SDK1: variants seen among roughly 807,000 people sequenced by gnomAD.
SDK1 encodes the protein sidekick cell adhesion molecule 1, also known as protein sidekick-1.
In SDK1, 157 loss-of-function variants were observed where a neutral mutation model predicts 245.5. That is an observed-to-expected ratio of 0.64 (90% CI 0.56 to 0.73). SDK1 has a LOEUF of 0.73. SDK1 is among the 30% of genes least tolerant of loss of function. SDK1 has a pLI of 0.00. For missense variants in SDK1, 3,583 were observed against 3,002.3 expected (o/e 1.19, Z -4.52); for synonymous variants, 1,647 against 1,278.5 (o/e 1.29, Z -6.15).
At chr7:4,130,272 T>G in intron 27 of SDK1, 175 bp downstream of exon 27, 1 of 670,416 alleles carries the variant, frequency 1.5e-6, no homozygotes, top group Non-Finnish European at 2.5e-6. Flanking sequence ...ATGGCCAATT[T>G]CAGCCTGGAG....
At chr7:3,983,566 G>A (rs781209186) in intron 13 of SDK1, among the ~76,000 whole-genome samples, 3 of 152,186 alleles carry the variant, frequency 2.0e-5, no homozygotes, top group Non-Finnish European at 4.4e-5. Context: ...AGTATAAACA[G>A]AACTTTTATA....
At chr7:3,989,721 A>G (rs539359507) in intron 14 of SDK1, among the ~76,000 whole-genome samples, 1 of 152,236 alleles carries the variant, frequency 6.6e-6, no homozygotes, top group African/African-American at 2.4e-5. Context: ...GGCTCTTCCC[A>G]GCTGATGTCA....
At chr7:4,091,479 A>G (rs1781798997) in intron 22 of SDK1, among the ~76,000 whole-genome samples, 1 of 151,266 alleles carries the variant, frequency 6.6e-6, no homozygotes, top group South Asian at 2.1e-4. Context: ...AGTAACTGGG[A>G]TGATAGGCAC....
chr7:4,217,058 A>C (rs1159305982), intron 38 of SDK1, among the ~76,000 whole-genome samples: 2 of 21,322 alleles, frequency 9.4e-5, no homozygotes, highest in African/African-American at 5.2e-4. Flanking sequence ...GCACCACACC[A>C]CCCGGAGCAC....
chr7:3,473,832 G>A (rs547198690), intron 1 of SDK1, among the ~76,000 whole-genome samples: 7 of 152,200 alleles, frequency 4.6e-5, no homozygotes, highest in Non-Finnish European at 8.8e-5. Context: ...CCACCGTATG[G>A]TCTGCCTATA....
chr7:3,349,103 C>T (rs1780586944), intron 1 of SDK1, among the ~76,000 whole-genome samples: 1 of 152,044 alleles, frequency 6.6e-6, no homozygotes, highest in Admixed American at 6.6e-5. Context: ...GTTCTCATTT[C>T]CCTTCTGGAT....
chr7:3,974,824 T>C, intron 13 of SDK1: 1 of 351,634 alleles, frequency 2.8e-6, no homozygotes, highest in East Asian at 5.9e-5. Context: ...GTGGACACCT[T>C]ATCCTGATAG....
At chr7:4,145,150 G>A (rs1014686555) in intron 28 of SDK1, among the ~76,000 whole-genome samples, 5 of 152,272 alleles carry the variant, frequency 3.3e-5, no homozygotes, top group East Asian at 1.9e-4. Flanking sequence ...CTGCCCTGGC[G>A]GAGCTGCTCG....
At chr7:3,358,085 G>C (rs1780854358) in intron 1 of SDK1, among the ~76,000 whole-genome samples, 1 of 152,056 alleles carries the variant, frequency 6.6e-6, no homozygotes, top group Non-Finnish European at 1.5e-5. Flanking sequence ...GCAGTGACAG[G>C]ATCTCGGCTC....
At chr7:3,310,008 T>C (rs140319134) in intron 1 of SDK1, among the ~76,000 whole-genome samples, 1,956 of 152,302 alleles carry the variant, frequency 0.013, 22 homozygotes, top group Non-Finnish European at 0.022. Flanking sequence ...AGAATTTCTT[T>C]ACATTTGGCA....
chr7:4,153,232 ATTTC>A (rs1277385724), intron 30 of SDK1, among the ~76,000 whole-genome samples: 1 of 143,140 alleles, frequency 7.0e-6, no homozygotes, highest in Non-Finnish European at 1.5e-5. Context: ...CTTTTGACTG[ATTTC>A]TTTTTTTTTT....
intron 1 of SDK1, among the ~76,000 whole-genome samples, chr7:3,345,012 A>G (rs1252657922): frequency 3.9e-5 from 6 of 152,198 alleles, no homozygotes; most frequent in African/African-American, 1.2e-4. Flanking sequence ...TCTGATTATG[A>G]CTGTTGTGCT....
chr7:3,951,277 C>T (rs1780808651), intron 6 of SDK1, among the ~76,000 whole-genome samples: 3 of 151,982 alleles, frequency 2.0e-5, no homozygotes, highest in South Asian at 2.1e-4. Flanking sequence ...GTGGGGGGCT[C>T]CTCTGAGATC....
At chr7:3,389,422 C>T (rs1310478971) in intron 1 of SDK1, among the ~76,000 whole-genome samples, 2 of 152,106 alleles carry the variant, frequency 1.3e-5, no homozygotes, top group Non-Finnish European at 2.9e-5. Flanking sequence ...AAATGCTACA[C>T]CTCTGGTATT....
rs934966807 is a variant in SDK1, at chr7:4,205,853, T to C, written c.5099-26T>C. 2.6e-6 allele frequency: 4 copies of C among 1,533,246 alleles called. No homozygotes were observed. In the East Asian group the frequency reaches 9.8e-5, roughly 38 times the overall value. 95.0% of individuals were successfully genotyped at this position (1,533,246 alleles called of 1,614,324 possible). Reference sequence around the variant, plus strand: ...GCCGGCTCTGAATGAACGTCTCAGCTTCTCTCCGCATTGCTCTTTCCTCAG... The same window carrying C: ...GCCGGCTCTGAATGAACGTCTCAGCCTCTCTCCGCATTGCTCTTTCCTCAG... On this transcript the variant is annotated intron_variant, in intron 35 of 44. Transcript: ENST00000404826.
intron 1 of SDK1, among the ~76,000 whole-genome samples, chr7:3,421,128 G>A (rs990899836): frequency 6.8e-6 from 1 of 146,964 alleles, no homozygotes; most frequent in Non-Finnish European, 1.5e-5. Context: ...CTGGAGTGCA[G>A]TGGCGTGATC....
At chr7:3,399,450 C>T (rs1298247478) in intron 1 of SDK1, among the ~76,000 whole-genome samples, 1 of 152,086 alleles carries the variant, frequency 6.6e-6, no homozygotes, top group Non-Finnish European at 1.5e-5. Flanking sequence ...TCTATTGACT[C>T]CTTTTCCTGT....
chr7:3,607,558 C>T (rs542515447), intron 1 of SDK1, among the ~76,000 whole-genome samples: 10 of 152,170 alleles, frequency 6.6e-5, no homozygotes, highest in Non-Finnish European at 1.3e-4. Context: ...TGTTGAATGA[C>T]AGAGCAAATA....
At chr7:3,456,371 G>C (rs913138715) in intron 1 of SDK1, among the ~76,000 whole-genome samples, 2 of 152,068 alleles carry the variant, frequency 1.3e-5, no homozygotes, top group Non-Finnish European at 2.9e-5. Flanking sequence ...TTTTGCTTTT[G>C]TATTACAGGC....
Sources: allele counts gnomAD v4.1 joint callset (sites outside exome capture counted in the v4.1 genomes callset), GRCh38; gene constraint gnomAD v4.1.1; transcripts MANE v1.5; gene names NCBI Gene and HGNC (gene_info 2026-07-23, HGNC 2026-07-21).